Variants in CD46 observed in about 807,000 individuals in gnomAD.
CD46 encodes the protein membrane cofactor protein.
A neutral mutation model predicts 53.3 loss-of-function variants in CD46; 30 were observed. The ratio of observed to expected loss-of-function variants is 0.56; its 90% CI spans 0.42 to 0.76. The LOEUF is 0.76. Among genes scored for constraint, CD46 ranks in the 30% least tolerant of loss-of-function variants. The pLI is 0.00. For missense variants in CD46, 409 were observed against 463.0 expected (o/e 0.88, Z 1.07); for synonymous variants, 142 against 152.0 (o/e 0.93, Z 0.48).
intron 8 of CD46, 40 bp from the exon 9 acceptor site, chr1:207,783,252 T>C (rs759179342): frequency 1.2e-5 from 13 of 1,099,726 alleles, no homozygotes; most frequent in South Asian, 1.2e-4. Context: ...ATTCTTTCCT[T>C]CTTTTATTAA....
Position 207,761,230 on chromosome 1 carries a change from C to G in CD46, c.476-19C>G. On this transcript the variant is annotated intron_variant, in intron 4 of 12. Coordinates refer to ENST00000367042, the MANE Select transcript of CD46 (RefSeq NM_172351.3). ...CTTAATCTTTTACATTTCCTTTCCT[C>G]TTTTTCTTCATTTTTAAGAGGTTTT... is the stretch of plus-strand genomic sequence containing the variant. 1 of 1,525,942 alleles carries G rather than the reference C, an allele frequency of 6.6e-7. No individual in the cohort carries two copies. Among genetic ancestry groups the G allele is most frequent in the Non-Finnish European group, 9.1e-7 (1 of 1,103,226 alleles). 94.5% of individuals were successfully genotyped at this position (1,525,942 alleles called of 1,614,324 possible). A position where few individuals can be genotyped will look rare whatever the true frequency, so the allele number is the denominator to read the frequency against.
intron 5 of CD46, among the ~76,000 whole-genome samples, chr1:207,764,443 C>T (rs891695717): frequency 6.6e-6 from 1 of 152,206 alleles, no homozygotes; most frequent in Non-Finnish European, 1.5e-5. Context: ...GGTGCCTACA[C>T]CTTTCACTTT....
chr1:207,779,854 C>A (rs41317949), intron 8 of CD46, among the ~76,000 whole-genome samples: 6,579 of 145,208 alleles, frequency 0.045, 198 homozygotes, highest in Non-Finnish European at 0.07. Flanking sequence ...CATAGGTGTT[C>A]CATCCTCTTT....
At chr1:207,783,178 G>T in intron 8 of CD46, 114 bp from the exon 9 acceptor site, 1 of 560,016 alleles carries the variant, frequency 1.8e-6, no homozygotes, top group Non-Finnish European at 3.2e-6. Context: ...TATTTTAAGG[G>T]ATTTTCTACA....
Position 207,761,217 on chromosome 1 carries a change from C to T in CD46, c.476-32C>T, listed in dbSNP as rs757051472. 8 of 1,403,926 alleles carry T rather than the reference C, an allele frequency of 5.7e-6. No individual in the cohort carries two copies. In the South Asian group the frequency reaches 5.9e-5, roughly 10 times the overall value. The allele number at this position is 1,403,926 out of a possible 1,614,324, so 87.0% of individuals were successfully genotyped here. ...TTACTAATGCTGTCTTAATCTTTTA[C>T]ATTTCCTTTCCTCTTTTTCTTCATT... is the stretch of plus-strand genomic sequence containing the variant. On this transcript the variant is annotated intron_variant, in intron 4 of 12. Coordinates refer to ENST00000367042, the MANE Select transcript of CD46 (RefSeq NM_172351.3).
intron 8 of CD46, among the ~76,000 whole-genome samples, chr1:207,776,474 A>G (rs375170641): frequency 6.3e-4 from 96 of 152,344 alleles, no homozygotes; most frequent in Middle Eastern, 3.4e-3. Context: ...AGCTGTTCCT[A>G]TTCAGCCATC....
At chr1:207,770,082 A>G in intron 7 of CD46, 1 of 493,144 alleles carries the variant, frequency 2.0e-6, no homozygotes, top group Non-Finnish European at 3.7e-6. Flanking sequence ...TACTTTCATG[A>G]TGGTTATCTT....
At chr1:207,756,297 C>A (rs1369457282) in intron 1 of CD46, among the ~76,000 whole-genome samples, 1 of 152,180 alleles carries the variant, frequency 6.6e-6, no homozygotes, top group South Asian at 2.1e-4. Flanking sequence ...GTGAGTAATT[C>A]TGAAAAGCAA....
At chr1:207,757,451 C>T (rs1329331707) in intron 2 of CD46, 89 bp from the exon 3 acceptor site, 1 of 854,696 alleles carries the variant, frequency 1.2e-6, no homozygotes, top group Non-Finnish European at 1.9e-6. Context: ...TATATTCCCA[C>T]CCATTCAAAA....
chr1:207,761,122 A>C, intron 4 of CD46, 127 bp from the exon 5 acceptor site: 2 of 628,412 alleles, frequency 3.2e-6, no homozygotes, highest in South Asian at 3.8e-5. Context: ...CCTTCTTTTA[A>C]ATCCATATTG....
At position 207,767,765 on chromosome 1, in the gene CD46, A is replaced by G; in HGVS notation, c.857-14A>G. 1 of 1,611,774 alleles carries G rather than the reference A, an allele frequency of 6.2e-7. No individual in the cohort carries two copies. Among genetic ancestry groups the G allele is most frequent in the Non-Finnish European group, 8.5e-7 (1 of 1,177,950 alleles). On this transcript the variant is annotated splice_polypyrimidine_tract_variant and intron_variant, in intron 6 of 12. Transcript: ENST00000367042. ...AGTGTTTGGTCCAATCTACATTATT[A>G]TTTTGTTTTCCAGTGTCGACTTCTT...
chr1:207,793,429 A>G, intron 12 of CD46, 90 bp from the exon 13 acceptor site: 1 of 960,046 alleles, frequency 1.0e-6, no homozygotes, highest in Non-Finnish European at 1.7e-6. Flanking sequence ...TATTTTTTTA[A>G]TTGTTCATTT....
chr1:207,785,221 G>A lies in CD46; in HGVS notation c.1018+115G>A, dbSNP rs189333635. On this transcript the variant is annotated intron_variant, in intron 10 of 12. Coordinates refer to ENST00000367042, the MANE Select transcript of CD46 (RefSeq NM_172351.3). ...TTTCAGCTTGTAAATTGGTTAAACC[G>A]ATTTAGGAAAACCTGACTTTTTATT... 4.6e-4 allele frequency: 374 copies of A among 815,668 alleles called. 1 individual carries two copies. In the African/African-American group the frequency reaches 5.0e-3, roughly 11 times the overall value. 50.5% of individuals were successfully genotyped at this position (815,668 alleles called of 1,614,324 possible).
rs201140209 is a variant in CD46, at chr1:207,761,403, T to C, written c.630T>C (p.Cys210=). The change falls in exon 5 of 13, where the codon TGT becomes TGC. Residue 210 remains cysteine (C), a synonymous_variant. Coordinates refer to ENST00000367042, the MANE Select transcript of CD46 (RefSeq NM_172351.3). ...FSLIGESTIY[C]GDNSVWSRAA... ...TTATTGGAGAGAGCACGATTTATTG[T>C]GGTGACAATTCAGTGTGGAGTCGTG... 26 of 1,614,142 alleles carry C rather than the reference T, an allele frequency of 1.6e-5. No individual in the cohort carries two copies. The East Asian group carries it at 5.3e-4, about 33-fold the overall frequency.
At chr1:207,767,241 C>T (rs1310568843) in intron 6 of CD46, 46 bp downstream of exon 6, 2 of 1,509,424 alleles carry the variant, frequency 1.3e-6, no homozygotes, top group Admixed American at 3.3e-5. Flanking sequence ...ATTGTTGTTG[C>T]TGTTCATTTT....
intron 8 of CD46, among the ~76,000 whole-genome samples, chr1:207,775,576 A>G (rs1658004548): frequency 6.6e-6 from 1 of 152,044 alleles, no homozygotes; most frequent in Non-Finnish European, 1.5e-5. Flanking sequence ...TGTTGATGCT[A>G]TTCCTTTCTG....
chr1:207,777,348 T>C (rs540410739), intron 8 of CD46, among the ~76,000 whole-genome samples: 3 of 152,304 alleles, frequency 2.0e-5, no homozygotes, highest in East Asian at 3.9e-4. Flanking sequence ...TAAAAAGTTT[T>C]ATTTTAGATT....
chr1:207,772,401 C>T (rs371404240), intron 8 of CD46, among the ~76,000 whole-genome samples: 4 of 152,080 alleles, frequency 2.6e-5, no homozygotes, highest in African/African-American at 9.7e-5. Context: ...ATTTCTTTTT[C>T]TTGCCTGATC....
intron 5 of CD46, among the ~76,000 whole-genome samples, chr1:207,766,218 A>T (rs1041342038): frequency 6.6e-6 from 1 of 152,188 alleles, no homozygotes. Context: ...TATCTTTACT[A>T]TGGTGGTAGT....
Sources: allele counts gnomAD v4.1 joint callset (sites outside exome capture counted in the v4.1 genomes callset), GRCh38; gene constraint gnomAD v4.1.1; transcripts MANE v1.5; gene names NCBI Gene and HGNC (gene_info 2026-07-23, HGNC 2026-07-21).